The following AMN1 variants were observed in gnomAD, a reference collection of about 807,000 sequenced individuals.
AMN1 encodes protein AMN1 homolog.
Under a neutral mutation model 33.0 loss-of-function variants are expected in AMN1, and 20 were observed. The ratio of observed to expected loss-of-function variants is 0.61; its 90% CI spans 0.43 to 0.88. The LOEUF (loss-of-function observed/expected upper bound fraction) is 0.88, where lower values mean the gene tolerates loss of function less well. AMN1 is among the 40% of genes least tolerant of loss of function. The pLI is 0.00. For missense variants in AMN1, 246 were observed against 307.4 expected (o/e 0.80, Z 1.49); for synonymous variants, 114 against 111.9 (o/e 1.02, Z -0.12).
At chr12:31,716,591 T>G (rs1939684746) in intron 1 of AMN1, among the ~76,000 whole-genome samples, 1 of 152,244 alleles carries the variant, frequency 6.6e-6, no homozygotes, top group African/African-American at 2.4e-5. Context: ...CAATCTCTGA[T>G]TAATATGGGT....
Position 31,724,687 on chromosome 12 carries a change from CCCACCG to C in AMN1, c.38+4278_38+4283del, listed in dbSNP as rs200116745. On this transcript the variant is annotated intron_variant, in intron 1 of 6. Transcript: ENST00000281471. ...TTTCCTACAACATGGCTCTCTGCCC[CCCACCG>C]CCACCTTTTTCTCTCAGTCTCTTTC... Among the ~76,000 whole-genome samples, 1,387 of 152,268 alleles carry C rather than the reference CCCACCG, an allele frequency of 9.1e-3. 14 individuals are homozygous for C. The highest frequency in any genetic ancestry group is 0.01 in the Non-Finnish European group (682 of 68,024).
intron 3 of AMN1, among the ~76,000 whole-genome samples, chr12:31,699,115 G>A (rs928763711): frequency 6.6e-6 from 1 of 152,028 alleles, no homozygotes. Context: ...CTTGGGACGG[G>A]TGTGGTGGTT....
chr12:31,700,326 G>T (rs984201987), intron 3 of AMN1, among the ~76,000 whole-genome samples: 4 of 152,092 alleles, frequency 2.6e-5, no homozygotes, highest in African/African-American at 9.7e-5. Flanking sequence ...TTGTGCCACT[G>T]CATTCCAGCT....
intron 5 of AMN1, among the ~76,000 whole-genome samples, chr12:31,689,701 C>A (rs961094681): frequency 3.3e-5 from 5 of 152,172 alleles, no homozygotes; most frequent in African/African-American, 1.2e-4. Flanking sequence ...ATGCAAATGT[C>A]TGCAGCAGTC....
At chr12:31,720,417 G>A (rs933091452) in intron 1 of AMN1, among the ~76,000 whole-genome samples, 1 of 152,116 alleles carries the variant, frequency 6.6e-6, no homozygotes, top group African/African-American at 2.4e-5. Flanking sequence ...GCAGGTGCCT[G>A]TAATCCCAGC....
chr12:31,724,306 G>C (rs920944969), intron 1 of AMN1, among the ~76,000 whole-genome samples: 7 of 152,144 alleles, frequency 4.6e-5, no homozygotes, highest in African/African-American at 1.7e-4. Flanking sequence ...CTTGTGCTCT[G>C]GTGCAATTGT....
At chr12:31,697,249 G>T in intron 5 of AMN1, 112 bp downstream of exon 5, 2 of 807,502 alleles carry the variant, frequency 2.5e-6, no homozygotes, top group Non-Finnish European at 3.8e-6. Flanking sequence ...CACCAACAAA[G>T]TCCCTAAAAT....
chr12:31,703,674 C>A (rs763032434), intron 2 of AMN1, among the ~76,000 whole-genome samples: 1 of 152,080 alleles, frequency 6.6e-6, no homozygotes, highest in African/African-American at 2.4e-5. Context: ...GTTTAAAAAA[C>A]GCTTTGAAGA....
chr12:31,674,407 CAA>C (rs761603678), intron 6 of AMN1, among the ~76,000 whole-genome samples: 8 of 131,488 alleles, frequency 6.1e-5, no homozygotes, highest in Non-Finnish European at 6.6e-5. Flanking sequence ...GACTCCATCT[CAA>C]AAAAAAAAAA....
intron 1 of AMN1, among the ~76,000 whole-genome samples, chr12:31,710,789 A>T (rs1939436611): frequency 6.6e-6 from 1 of 152,220 alleles, no homozygotes; most frequent in African/African-American, 2.4e-5. Context: ...AAGCATTACC[A>T]CTATTTCTAG....
At chr12:31,704,947 A>G (rs1939160507) in intron 2 of AMN1, among the ~76,000 whole-genome samples, 1 of 152,190 alleles carries the variant, frequency 6.6e-6, no homozygotes, top group Non-Finnish European at 1.5e-5. Flanking sequence ...ATTTTTCTAC[A>G]GTGTCATTAT....
intron 6 of AMN1, among the ~76,000 whole-genome samples, chr12:31,688,233 C>T (rs1938353105): frequency 6.6e-6 from 1 of 152,218 alleles, no homozygotes; most frequent in Admixed American, 6.5e-5. Flanking sequence ...GGATTATAGG[C>T]ATGAGCCACC....
chr12:31,715,010 G>A (rs1939614845), intron 1 of AMN1: 1 of 612,412 alleles, frequency 1.6e-6, no homozygotes, highest in Non-Finnish European at 2.0e-6. Context: ...GTATCAAACA[G>A]TTCAAAAGAA....
At chr12:31,726,029 T>C (rs1313905673) in intron 1 of AMN1, among the ~76,000 whole-genome samples, 1 of 152,152 alleles carries the variant, frequency 6.6e-6, no homozygotes, top group Non-Finnish European at 1.5e-5. Context: ...AGATTCAAAA[T>C]TATATTCTAA....
chr12:31,728,771 G>A (rs1164083515), intron 1 of AMN1, among the ~76,000 whole-genome samples, 200 bp downstream of exon 1: 1 of 151,764 alleles, frequency 6.6e-6, no homozygotes, highest in Non-Finnish European at 1.5e-5. Flanking sequence ...GGGCAAGCCC[G>A]CCAAGAGACC....
At chr12:31,728,520 T>C (rs951585875) in intron 1 of AMN1, among the ~76,000 whole-genome samples, 2 of 152,216 alleles carry the variant, frequency 1.3e-5, no homozygotes, top group Non-Finnish European at 2.9e-5. Flanking sequence ...CCCAGCAATC[T>C]CAGCCAGGGA....
intron 6 of AMN1, 31 bp from the exon 7 acceptor site, chr12:31,672,408 T>C (rs1384606484): frequency 6.9e-7 from 1 of 1,456,118 alleles, no homozygotes; most frequent in South Asian, 1.2e-5. Context: ...AATATATTAA[T>C]TGACAATAAA....
chr12:31,672,155 CTT>C lies in AMN1; in HGVS notation c.*147_*148del, dbSNP rs1336557629. The stretch of plus-strand genomic sequence containing the variant: ...AGCACAAACCATGTATATACCAAGA[CTT>C]AGCTAATTCTCTGAGAGTTATAACT... On this transcript the variant is annotated 3_prime_UTR_variant, in exon 7 of 7. Coordinates refer to ENST00000281471, the MANE Select transcript of AMN1 (RefSeq NM_001113402.2). 4.9e-6 allele frequency: 3 copies of C among 613,770 alleles called. No homozygotes were observed. In the African/African-American group the frequency reaches 5.6e-5, roughly 11 times the overall value. 38.0% of individuals were successfully genotyped at this position (613,770 alleles called of 1,614,324 possible).
intron 1 of AMN1, among the ~76,000 whole-genome samples, chr12:31,714,205 G>A (rs1939583579): frequency 1.3e-5 from 2 of 152,032 alleles, no homozygotes; most frequent in African/African-American, 2.4e-5. Flanking sequence ...GAAAGCATTA[G>A]AATACACCTC....
Sources: allele counts gnomAD v4.1 joint callset (sites outside exome capture counted in the v4.1 genomes callset), GRCh38; gene constraint gnomAD v4.1.1; transcripts MANE v1.5; gene names NCBI Gene and HGNC (gene_info 2026-07-23, HGNC 2026-07-21).